Variants in PTPN18 observed in about 807,000 individuals in gnomAD.
The protein encoded by PTPN18 is protein tyrosine phosphatase non-receptor type 18.
Under a neutral mutation model 65.4 loss-of-function variants are expected in PTPN18, and 65 were observed. The observed-to-expected ratio is 0.99, with a 90% CI of 0.81 to 1.22. PTPN18 has a LOEUF of 1.22. Ranked by LOEUF, PTPN18 falls within the 50% of genes most tolerant of loss-of-function variation. The pLI, the probability that PTPN18 is intolerant of heterozygous loss-of-function variation, is 0.00. For synonymous variants in PTPN18, 255 were observed against 267.8 expected (o/e 0.95, Z 0.47); for missense variants, 616 against 646.5 (o/e 0.95, Z 0.51).
intron 1 of PTPN18, 98 bp from the exon 2 acceptor site, chr2:130,358,769 G>A: frequency 2.3e-5 from 22 of 946,794 alleles, no homozygotes; most frequent in Non-Finnish European, 3.3e-5. Context: ...CAGGCCACTG[G>A]CTTTGTATCC....
chr2:130,367,812 G>A (rs1241460844), intron 5 of PTPN18, among the ~76,000 whole-genome samples: 2 of 151,956 alleles, frequency 1.3e-5, no homozygotes, highest in South Asian at 2.1e-4. Flanking sequence ...TAGTTTCATC[G>A]AATTTGGGAA....
intron 1 of PTPN18, among the ~76,000 whole-genome samples, chr2:130,357,897 A>C (rs1680044468): frequency 6.6e-6 from 1 of 152,036 alleles, no homozygotes; most frequent in East Asian, 1.9e-4. Context: ...TATAAACCTA[A>C]GTAATTTACA....
intron 14 of PTPN18, 30 bp downstream of exon 14, chr2:130,372,977 A>T: frequency 6.2e-6 from 10 of 1,612,858 alleles, no homozygotes; most frequent in Non-Finnish European, 7.6e-6. Context: ...GGTTGCTGGG[A>T]CTTTGCTGCT....
At chr2:130,359,902 C>T (rs1350791431) in intron 5 of PTPN18, 13 of 540,982 alleles carry the variant, frequency 2.4e-5, no homozygotes, top group Non-Finnish European at 4.3e-5. Context: ...ACTGCTTCCC[C>T]TGTAGGCTCT....
Position 130,359,699 on chromosome 2 carries a change from G to T in PTPN18, c.414+53G>T, listed in dbSNP as rs553893729. On this transcript the variant is annotated intron_variant, in intron 5 of 14. Coordinates refer to ENST00000175756, the MANE Select transcript of PTPN18 (RefSeq NM_014369.4). ...TGTCCTTGTGGGAGGAGGGAGGAGGGATCTTGCTAGCTCCTCCTTGACCCC... is the reference window on the plus strand; with the variant it reads ...TGTCCTTGTGGGAGGAGGGAGGAGGTATCTTGCTAGCTCCTCCTTGACCCC... 124 of 1,584,112 alleles carry T rather than the reference G, an allele frequency of 7.8e-5. No individual in the cohort carries two copies. In the African/African-American group the frequency reaches 1.5e-3, roughly 19 times the overall value.
In PTPN18 at chr2:130,359,257, C is replaced by T; in HGVS notation, c.227C>T (p.Ser76Phe). 3 of 1,614,156 alleles carry T rather than the reference C, an allele frequency of 1.9e-6. No homozygotes were observed. The highest frequency in any genetic ancestry group is 2.5e-6 in the Non-Finnish European group (3 of 1,180,040). Residue 76 changes from serine (S) to phenylalanine (F), a missense_variant, in exon 3 of 15, where the codon TCC (serine) becomes TTC (phenylalanine). Around this residue, in one of 3 missense-constraint regions of PTPN18, gnomAD observed 223 missense variants for 210.0 expected, o/e 1.06. Transcript: ENST00000175756. ...LPYDQTRVIL[S>F]LLQEEGHSDY... The stretch of plus-strand genomic sequence containing the variant: ...GATGATCAGACGCGAGTAATCCTCT[C>T]CCTGCTCCAGGAAGAGGGACACAGC...
intron 5 of PTPN18, chr2:130,359,859 A>G (rs1288921289): frequency 1.3e-5 from 8 of 616,138 alleles, no homozygotes; most frequent in Non-Finnish European, 2.0e-5. Context: ...CTTCCCAGCC[A>G]TTTCACACCT....
chr2:130,366,702 A>G (rs968460137), intron 5 of PTPN18, among the ~76,000 whole-genome samples: 5 of 152,166 alleles, frequency 3.3e-5, no homozygotes, highest in African/African-American at 1.2e-4. Context: ...AATTCACTAG[A>G]TTATCTTTTA....
In PTPN18 at chr2:130,362,176, T is replaced by A. The variant is rs1454672746; in HGVS notation, c.414+2530T>A. The A allele has an allele frequency of 3.4e-5, 16 of 468,716 alleles. No homozygotes were observed. The East Asian group carries it at 1.1e-3, about 33-fold the overall frequency. 29.0% of individuals were successfully genotyped at this position (468,716 alleles called of 1,614,324 possible). On this transcript the variant is annotated intron_variant, in intron 5 of 14. Transcript: ENST00000175756. ...TGTAGAGATTAAGTCTCACGTATAATCCAGGCTGGTCTCGAACTCCTGGCC... is the reference window on the plus strand; with the variant it reads ...TGTAGAGATTAAGTCTCACGTATAAACCAGGCTGGTCTCGAACTCCTGGCC...
intron 5 of PTPN18, among the ~76,000 whole-genome samples, chr2:130,367,251 C>G (rs1413022723): frequency 6.6e-6 from 1 of 151,960 alleles, no homozygotes; most frequent in Non-Finnish European, 1.5e-5. Context: ...TTTCATTTGT[C>G]TGAAAAGGTT....
Position 130,373,043 on chromosome 2 carries a change from G to A in PTPN18, c.1315+96G>A. ...GGGCATGGAGCTTAGTCCTGTGGAT[G>A]TGGCTGCAGTGAACCAGGAGGACCT... is the stretch of plus-strand genomic sequence containing the variant. On this transcript the variant is annotated intron_variant, in intron 14 of 14. Coordinates refer to ENST00000175756, the MANE Select transcript of PTPN18 (RefSeq NM_014369.4). This position sits in a 1 kb window ranked among gnomAD's most constrained non-coding sequence, Gnocchi z 4.1. 6.4e-7 allele frequency: 1 copy of A among 1,556,890 alleles called. No individual in the cohort carries two copies. The highest frequency in any genetic ancestry group is 1.7e-5 in the Admixed American group (1 of 58,170).
At chr2:130,366,999 T>A (rs1200399429) in intron 5 of PTPN18, among the ~76,000 whole-genome samples, 5 of 151,482 alleles carry the variant, frequency 3.3e-5, no homozygotes, top group African/African-American at 1.2e-4. Context: ...CTAAAAAAGA[T>A]TTTTTTTAGA....
chr2:130,363,715 T>C (rs941302536), intron 5 of PTPN18, among the ~76,000 whole-genome samples: 1 of 152,178 alleles, frequency 6.6e-6, no homozygotes, highest in Non-Finnish European at 1.5e-5. Flanking sequence ...TTCTTTCTAC[T>C]TTTTGGCTAT....
At chr2:130,366,458 C>T (rs559168575) in intron 5 of PTPN18, among the ~76,000 whole-genome samples, 1 of 152,350 alleles carries the variant, frequency 6.6e-6, no homozygotes, top group Non-Finnish European at 1.5e-5. Context: ...ACCAATCTTG[C>T]ATTCCTGGAA....
At chr2:130,363,177 G>C (rs1680274992) in intron 5 of PTPN18, among the ~76,000 whole-genome samples, 1 of 151,382 alleles carries the variant, frequency 6.6e-6, no homozygotes, top group Admixed American at 6.6e-5. Flanking sequence ...GGCCAGACAT[G>C]GTGGCTCATG....
At chr2:130,366,208 C>A (rs1301553980) in intron 5 of PTPN18, among the ~76,000 whole-genome samples, 1 of 152,192 alleles carries the variant, frequency 6.6e-6, no homozygotes, top group Non-Finnish European at 1.5e-5. Context: ...AAACAATATG[C>A]TTTATGCAGA....
chr2:130,366,526 GT>G (rs1430410045), intron 5 of PTPN18, among the ~76,000 whole-genome samples: 2 of 152,054 alleles, frequency 1.3e-5, no homozygotes, highest in African/African-American at 4.8e-5. Flanking sequence ...GAGAATTTTT[GT>G]GTCTATGTTT....
chr2:130,367,709 G>A (rs1680431629), intron 5 of PTPN18, among the ~76,000 whole-genome samples: 1 of 151,930 alleles, frequency 6.6e-6, no homozygotes, highest in Non-Finnish European at 1.5e-5. Flanking sequence ...TTCTTTTTCA[G>A]TAATTTGATC....
At chr2:130,359,011 T>C in intron 2 of PTPN18, 36 bp downstream of exon 2, 1 of 1,599,832 alleles carries the variant, frequency 6.3e-7, no homozygotes. Flanking sequence ...CGGTGCAGCC[T>C]TGCACGCCCT....
Sources: gnomAD v4.1 joint callset for allele counts (sites outside exome capture counted in the v4.1 genomes callset) on GRCh38, gnomAD v4.1.1 for gene constraint, gnomAD v4.1.1 regional missense constraint, Gnocchi (gnomAD v3.1) non-coding constraint, MANE v1.5 for transcripts, NCBI Gene and HGNC (gene_info 2026-07-23, HGNC 2026-07-21) for gene names.